The following DHX29 variants were observed in gnomAD, a reference collection of about 807,000 sequenced individuals.
DHX29 encodes the protein DExH-box helicase 29, also known as ATP-dependent RNA helicase DHX29.
Under a neutral mutation model 167.9 loss-of-function variants are expected in DHX29, and 79 were observed. That is an observed-to-expected ratio of 0.47 (90% CI 0.39 to 0.57). The LOEUF (loss-of-function observed/expected upper bound fraction) is 0.57, where lower values mean the gene tolerates loss of function less well. DHX29 is among the 20% of genes least tolerant of loss of function. The pLI is 0.00. For missense variants in DHX29, 1,347 were observed against 1,593.4 expected (o/e 0.85, Z 2.63); for synonymous variants, 530 against 546.0 (o/e 0.97, Z 0.41).
In DHX29 at chr5:55,285,500, C is replaced by T. The variant is rs543230218; in HGVS notation, c.1233-84G>A. On this transcript the variant is annotated intron_variant, in intron 9 of 26. Transcript: ENST00000251636. ...CTCAGAATTCCATTAACATTAAACT[C>T]AAGTTTGTTAATTATTTAAATATTT... The T allele has an allele frequency of 4.2e-5, 58 of 1,364,832 alleles. No individual in the cohort carries two copies. In the African/African-American group the frequency reaches 7.1e-4, roughly 17 times the overall value. 84.5% of individuals were successfully genotyped at this position (1,364,832 alleles called of 1,614,324 possible).
chr5:55,278,180 C>G (rs1362196077), intron 12 of DHX29, among the ~76,000 whole-genome samples: 2 of 152,150 alleles, frequency 1.3e-5, no homozygotes. Flanking sequence ...TATCTGTGGA[C>G]TGTATGAGTC....
At chr5:55,285,544 G>C in intron 9 of DHX29, 128 bp from the exon 10 acceptor site, 1 of 1,221,328 alleles carries the variant, frequency 8.2e-7, no homozygotes, top group Non-Finnish European at 1.1e-6. Flanking sequence ...GGCATTATTA[G>C]ATAATGATAA....
At chr5:55,267,295 C>A in intron 22 of DHX29, 64 bp from the exon 23 acceptor site, 1 of 1,247,704 alleles carries the variant, frequency 8.0e-7, no homozygotes, top group South Asian at 1.3e-5. Context: ...AACTCTTTTT[C>A]AGAGCTAGTA....
intron 23 of DHX29, among the ~76,000 whole-genome samples, chr5:55,265,436 T>C (rs1227625840): frequency 2.0e-5 from 3 of 151,864 alleles, no homozygotes; most frequent in Non-Finnish European, 4.4e-5. Flanking sequence ...ACCACCCCTT[T>C]ATAAGAAATA....
intron 26 of DHX29, among the ~76,000 whole-genome samples, chr5:55,259,483 T>TC (rs1476680802): frequency 2.0e-5 from 3 of 152,212 alleles, no homozygotes; most frequent in Admixed American, 1.3e-4. Context: ...AGATGGAGTT[T>TC]CGCTCTTGTC....
intron 12 of DHX29, 108 bp downstream of exon 12, chr5:55,281,264 T>C: frequency 1.0e-5 from 9 of 877,260 alleles, no homozygotes; most frequent in Non-Finnish European, 1.4e-5. Context: ...ATATAAGGTA[T>C]ATAATAATTT....
In DHX29 at chr5:55,304,646, T is replaced by C. The variant is rs558082359; in HGVS notation, c.187+2741A>G. On this transcript the variant is annotated intron_variant, in intron 1 of 26. Coordinates refer to ENST00000251636, the MANE Select transcript of DHX29 (RefSeq NM_019030.4). ...CTTCCCTGACCATCCTATTTAATAC[T>C]GAACCTCTCCCCACCCTCCTCCCTA... is the stretch of plus-strand genomic sequence containing the variant. Among the ~76,000 whole-genome samples the C allele has an allele frequency of 8.5e-5, 13 of 152,048 alleles. No homozygotes were observed. The East Asian group carries it at 2.1e-3, about 25-fold the overall frequency.
chr5:55,297,780 C>T (rs142525824), intron 2 of DHX29, among the ~76,000 whole-genome samples: 1 of 152,236 alleles, frequency 6.6e-6, no homozygotes, highest in African/African-American at 2.4e-5. Flanking sequence ...AAAGAATGAA[C>T]ACTATACTAA....
chr5:55,260,909 T>A (rs1426030787), intron 25 of DHX29, among the ~76,000 whole-genome samples: 3 of 152,206 alleles, frequency 2.0e-5, no homozygotes, highest in Non-Finnish European at 4.4e-5. Context: ...TTTTATTCCT[T>A]TTTATTCCAC....
Position 55,283,696 on chromosome 5 carries a change from A to G in DHX29, c.1472T>C (p.Phe491Ser). 6.2e-7 allele frequency: 1 copy of G among 1,614,132 alleles called. No individual in the cohort carries two copies. Among genetic ancestry groups the G allele is most frequent in the Non-Finnish European group, 8.5e-7 (1 of 1,180,014 alleles). Residue 491 changes from phenylalanine to serine, a missense_variant, in exon 11 of 27, where the codon TTT (phenylalanine) becomes TCT (serine). Phe to Ser is a radical substitution (Grantham distance 155). Coordinates refer to ENST00000251636, the MANE Select transcript of DHX29 (RefSeq NM_019030.4). ...CAGTTTATTCAGAAGTTTGGCAATA[A>G]AAAGATCACGTGGTTTATTGGTTTC... ...KMETNKPRDLFIAKLLNKLKQ... is the reference protein window; with the variant it reads ...KMETNKPRDLSIAKLLNKLKQ...
rs1221157883 is a variant in DHX29, at chr5:55,307,441, G to T, written c.133C>A (p.Pro45Thr). 6.2e-7 allele frequency: 1 copy of T among 1,613,146 alleles called. No homozygotes were observed. Residue 45 changes from proline (P) to threonine (T), a missense_variant, in exon 1 of 27, where the codon CCG (proline) becomes ACG (threonine). This residue lies in a region of DHX29 where 405 missense variants were observed against 416.8 expected (regional missense o/e 0.97). Coordinates refer to ENST00000251636, the MANE Select transcript of DHX29 (RefSeq NM_019030.4). The part of the protein sequence containing the change: ...EAQSKKPVSR[P>T]ATAAAAAAGS... ...GCAGCGGCAGCGGCAGCGGTGGCCG[G>T]CCTGGACACTGGCTTCTTGCTTTGG... is the stretch of plus-strand genomic sequence containing the variant.
In DHX29 at chr5:55,290,276, T is replaced by C. The variant is rs1439891976; in HGVS notation, c.849A>G (p.Leu283=). 8 of 1,612,548 alleles carry C rather than the reference T, an allele frequency of 5.0e-6. No individual in the cohort carries two copies. Among genetic ancestry groups the C allele is most frequent in the Non-Finnish European group, 6.8e-6 (8 of 1,179,836 alleles). The change falls in exon 7 of 27, where the codon CTA becomes CTG. Residue 283 remains leucine (L), a synonymous_variant. Coordinates refer to ENST00000251636, the MANE Select transcript of DHX29 (RefSeq NM_019030.4). ...DAKEQAATFK[L]EKNKQGQKEA... is the part of the protein sequence containing the mutation. Reference sequence around the variant, plus strand: ...CTTTTTGGCCTTGCTTGTTTTTTTCTAGTTTAAAGGTAGCTGCTTGTTCTT... The same window carrying C: ...CTTTTTGGCCTTGCTTGTTTTTTTCCAGTTTAAAGGTAGCTGCTTGTTCTT...
In DHX29 at chr5:55,307,589, G is replaced by A. The variant is rs1446423982; in HGVS notation, c.-16C>T. ...TGCCGCCCATGTTGCAGCTGTGGCA[G>A]AAGATCCTTCGCGGCCCAGGCCCCG... On this transcript the variant is annotated 5_prime_UTR_variant, in exon 1 of 27. Transcript: ENST00000251636. 6.2e-7 allele frequency: 1 copy of A among 1,612,624 alleles called. No homozygotes were observed.
Position 55,259,943 on chromosome 5 carries a change from G to A in DHX29, c.3962C>T (p.Ala1321Val), listed in dbSNP as rs780446588. ...LSIDGWIYFQ[A>V]PVKIAVIFKQ... ...GAAAATGACAGCTATCTTTACAGGG[G>A]CCTGTTAAGAGGAGTTGAAAAAATG... Residue 1321 changes from alanine (A) to valine (V), a missense_variant and splice_region_variant, in exon 26 of 27, where the codon GCC (alanine) becomes GTC (valine). By Grantham distance (64) the Ala-to-Val change is moderately conservative (BLOSUM62 0). Coordinates refer to ENST00000251636, the MANE Select transcript of DHX29 (RefSeq NM_019030.4). 6.3e-7 allele frequency: 1 copy of A among 1,595,728 alleles called. No individual in the cohort carries two copies. The highest frequency in any genetic ancestry group is 1.7e-5 in the Admixed American group (1 of 59,788).
At chr5:55,256,645 T>C in intron 26 of DHX29, 105 bp from the exon 27 acceptor site, 1 of 954,276 alleles carries the variant, frequency 1.0e-6, no homozygotes. Flanking sequence ...AATTTTTACA[T>C]TAGAATACAG....
At chr5:55,301,605 C>T (rs1410926489) in intron 1 of DHX29, among the ~76,000 whole-genome samples, 4 of 149,578 alleles carry the variant, frequency 2.7e-5, no homozygotes, top group East Asian at 2.0e-4. Flanking sequence ...CCCAGCTACT[C>T]GGGAGGCTGA....
chr5:55,269,327 T>C, intron 21 of DHX29, 86 bp downstream of exon 21: 1 of 1,351,748 alleles, frequency 7.4e-7, no homozygotes, highest in Non-Finnish European at 1.0e-6. Context: ...GTTAAAAAAA[T>C]TTTTACTTAA....
intron 20 of DHX29, among the ~76,000 whole-genome samples, chr5:55,270,007 T>C (rs1746772348): frequency 6.6e-6 from 1 of 152,126 alleles, no homozygotes; most frequent in Non-Finnish European, 1.5e-5. Flanking sequence ...TACTGATATT[T>C]TGGGCTGGAT....
chr5:55,274,793 T>C (rs1477882689), intron 15 of DHX29, 62 bp from the exon 16 acceptor site: 7 of 1,562,184 alleles, frequency 4.5e-6, no homozygotes, highest in Non-Finnish European at 6.1e-6. Flanking sequence ...ATATAAAATA[T>C]TAATAAAACA....
Sources: gnomAD v4.1 joint callset for allele counts (sites outside exome capture counted in the v4.1 genomes callset) on GRCh38, gnomAD v4.1.1 for gene constraint, gnomAD v4.1.1 regional missense constraint, MANE v1.5 for transcripts, NCBI Gene and HGNC (gene_info 2026-07-23, HGNC 2026-07-21) for gene names.